FAM184B: variants seen among roughly 807,000 people sequenced by gnomAD.
FAM184B encodes the protein family with sequence similarity 184 member B.
Under a neutral mutation model 135.9 loss-of-function variants are expected in FAM184B, and 111 were observed. The ratio of observed to expected loss-of-function variants is 0.82; its 90% CI spans 0.70 to 0.96. The LOEUF (loss-of-function observed/expected upper bound fraction) is 0.96, where lower values mean the gene tolerates loss of function less well. Ranked by LOEUF, FAM184B falls within the 40% of genes least tolerant of loss-of-function variation. FAM184B has a pLI of 0.00. For synonymous variants in FAM184B, 552 were observed against 524.8 expected (o/e 1.05, Z -0.71); for missense variants, 1,375 against 1,323.9 (o/e 1.04, Z -0.60).
chr4:17,743,918 G>A (rs997094319), intron 1 of FAM184B, among the ~76,000 whole-genome samples: 3 of 152,212 alleles, frequency 2.0e-5, no homozygotes, highest in Non-Finnish European at 4.4e-5. Context: ...GGAAATCGTG[G>A]TGTTGGCCCA....
chr4:17,732,828 T>C lies in FAM184B; in HGVS notation c.142-23184A>G, dbSNP rs1283587312. On this transcript the variant is annotated intron_variant, in intron 1 of 17. Transcript: ENST00000265018. Reference sequence around the variant, plus strand: ...AGAAAAAGAGGGAATCCTCCCTAACTCATTTTATGAGGCCAGCATCATCCT... The same window carrying C: ...AGAAAAAGAGGGAATCCTCCCTAACCCATTTTATGAGGCCAGCATCATCCT... Among the ~76,000 whole-genome samples, 3 of 152,226 alleles carry C rather than the reference T, an allele frequency of 2.0e-5. No homozygotes were observed. In the South Asian group the frequency reaches 6.2e-4, roughly 32 times the overall value.
intron 1 of FAM184B, among the ~76,000 whole-genome samples, chr4:17,776,314 A>G (rs1386483900): frequency 6.6e-6 from 1 of 152,260 alleles, no homozygotes. Context: ...AGGATCTACT[A>G]TGTGTCAGAC....
chr4:17,720,605 G>A (rs892278496), intron 1 of FAM184B, among the ~76,000 whole-genome samples: 18 of 152,082 alleles, frequency 1.2e-4, no homozygotes, highest in South Asian at 6.2e-4. Context: ...ATTAAACATA[G>A]GGCGAGGCGC....
Position 17,658,541 on chromosome 4 carries a change from G to A in FAM184B, c.1846C>T (p.Leu616=). 2 of 1,551,150 alleles carry A rather than the reference G, an allele frequency of 1.3e-6. No individual in the cohort carries two copies. The highest frequency in any genetic ancestry group is 1.7e-6 in the Non-Finnish European group (2 of 1,146,978). Residue 616 remains leucine (L), a synonymous_variant, in exon 10 of 18, where the codon CTG becomes TTG. Transcript: ENST00000265018. ...CTGTAGTTGCTGGTGCACTGCTCCA[G>A]AGCCTGCTGCATCTGTGAGACCTGC... ...QAQVSQMQQA[L]EQCTSNYRED... is the part of the protein sequence containing the mutation.
At chr4:17,721,383 C>CAAAAAAAAAAAAAAAAAAAAAAAAAA (rs61539641) in intron 1 of FAM184B, among the ~76,000 whole-genome samples, 8 of 47,398 alleles carry the variant, frequency 1.7e-4, no homozygotes, top group African/African-American at 4.8e-4. Context: ...GATTCTGTCT[C>CAAAAAAAAAAAAAAAAAAAAAAAAAA]AAAAAAAAAA....
intron 1 of FAM184B, among the ~76,000 whole-genome samples, chr4:17,761,809 C>T (rs1428086493): frequency 6.6e-6 from 1 of 152,242 alleles, no homozygotes; most frequent in East Asian, 1.9e-4. Flanking sequence ...GCATGAGTCA[C>T]CGCAGCTGAC....
chr4:17,664,315 C>T (rs763030099), intron 8 of FAM184B, among the ~76,000 whole-genome samples: 2 of 152,214 alleles, frequency 1.3e-5, no homozygotes, highest in Non-Finnish European at 2.9e-5. Flanking sequence ...GGTTTGCTAA[C>T]TTCTTTGAGC....
chr4:17,670,130 C>G (rs887575179), intron 7 of FAM184B, among the ~76,000 whole-genome samples: 3 of 152,148 alleles, frequency 2.0e-5, no homozygotes, highest in Admixed American at 1.3e-4. Flanking sequence ...CTTTAAAACT[C>G]TGGGACACAG....
intron 5 of FAM184B, among the ~76,000 whole-genome samples, chr4:17,699,144 AAGATT>A (rs1716928332): frequency 6.6e-6 from 1 of 152,076 alleles, no homozygotes; most frequent in African/African-American, 2.4e-5. Flanking sequence ...GGTTTTTAAA[AAGATT>A]AGATGGTACA....
At chr4:17,640,087 C>T (rs1358440722) in intron 13 of FAM184B, among the ~76,000 whole-genome samples, 2 of 126,938 alleles carry the variant, frequency 1.6e-5, no homozygotes, top group Admixed American at 9.0e-5. Flanking sequence ...GCGCTTCAGC[C>T]TCCCAAAGTG....
intron 1 of FAM184B, among the ~76,000 whole-genome samples, chr4:17,711,867 A>C (rs1717280334): frequency 6.6e-6 from 1 of 152,144 alleles, no homozygotes; most frequent in Non-Finnish European, 1.5e-5. Context: ...TAGACATGAG[A>C]AGGTGGCTTC....
At position 17,708,681 on chromosome 4, in the gene FAM184B, A is replaced by G. The variant is rs1180603480; in HGVS notation, c.894+211T>C. ...AACAAAACTATATATATATATATAT[A>G]TATATATATATATATATATATATAT... On this transcript the variant is annotated intron_variant, in intron 2 of 17. Transcript: ENST00000265018. Among the ~76,000 whole-genome samples, 6 of 40,156 alleles carry G rather than the reference A, an allele frequency of 1.5e-4. 1 individual carries two copies. Among genetic ancestry groups the G allele is most frequent in the African/African-American group, 3.3e-4 (3 of 9,190 alleles). 26.3% of individuals were successfully genotyped at this position (40,156 alleles called of 152,430 possible).
chr4:17,776,753 G>A (rs921838156), intron 1 of FAM184B, among the ~76,000 whole-genome samples: 1 of 152,030 alleles, frequency 6.6e-6, no homozygotes, highest in Non-Finnish European at 1.5e-5. Flanking sequence ...TAGAGGAGGT[G>A]GGACTCAAAA....
intron 6 of FAM184B, among the ~76,000 whole-genome samples, chr4:17,690,303 G>T (rs148072328): frequency 1.1e-3 from 171 of 152,310 alleles, no homozygotes; most frequent in African/African-American, 4.0e-3. Context: ...TAGAGGGCGG[G>T]TGGGGTAGAT....
chr4:17,716,757 A>G (rs968717827), intron 1 of FAM184B, among the ~76,000 whole-genome samples: 2 of 152,118 alleles, frequency 1.3e-5, no homozygotes, highest in East Asian at 1.9e-4. Flanking sequence ...TCCCCTGCTC[A>G]GCTCATCTTT....
In FAM184B at chr4:17,630,660, T is replaced by C. The variant is rs1308121586; in HGVS notation, c.*1872A>G. The C allele has an allele frequency of 6.6e-6, 1 of 152,182 alleles. No individual in the cohort carries two copies. The highest frequency in any genetic ancestry group is 2.4e-5 in the African/African-American group (1 of 41,432). 9.4% of individuals were successfully genotyped at this position (152,182 alleles called of 1,614,324 possible). On this transcript the variant is annotated 3_prime_UTR_variant, in exon 18 of 18. Coordinates refer to ENST00000265018, the MANE Select transcript of FAM184B (RefSeq NM_015688.2). The stretch of plus-strand genomic sequence containing the variant: ...AAATATTTGGTAGTGAAAAACAGTA[T>C]GGTGTGTTAATGTATGGTGACAAGT...
At chr4:17,698,294 A>C (rs1281005481) in intron 5 of FAM184B, among the ~76,000 whole-genome samples, 2 of 152,154 alleles carry the variant, frequency 1.3e-5, no homozygotes, top group Non-Finnish European at 2.9e-5. Context: ...CATTTTACAC[A>C]GAGGAAATCC....
chr4:17,646,063 A>G (rs1245220586), intron 12 of FAM184B, among the ~76,000 whole-genome samples: 2 of 152,172 alleles, frequency 1.3e-5, no homozygotes, highest in Admixed American at 1.3e-4. Flanking sequence ...GGTGATCATT[A>G]AAAAGTCAGG....
At chr4:17,676,428 A>T (rs2061761857) in intron 7 of FAM184B, among the ~76,000 whole-genome samples, 1 of 152,230 alleles carries the variant, frequency 6.6e-6, no homozygotes, top group Non-Finnish European at 1.5e-5. Flanking sequence ...AGAATAACAA[A>T]TTTTGAAATA....
Sources: gnomAD v4.1 joint callset for allele counts (sites outside exome capture counted in the v4.1 genomes callset) on GRCh38, gnomAD v4.1.1 for gene constraint, MANE v1.5 for transcripts, NCBI Gene and HGNC (gene_info 2026-07-23, HGNC 2026-07-21) for gene names.